NREP: variants seen among roughly 807,000 people sequenced by gnomAD.
The protein encoded by NREP is neuronal regeneration-related protein.
A neutral mutation model predicts 8.6 loss-of-function variants in NREP; 5 were observed. The observed-to-expected ratio is 0.58, with a 90% CI of 0.30 to 1.22. The LOEUF (loss-of-function observed/expected upper bound fraction) is 1.22. NREP is among the 50% of genes most tolerant of loss of function. NREP has a pLI of 0.07. For missense variants in NREP, 86 were observed against 82.5 expected (o/e 1.04, Z -0.17); for synonymous variants, 27 against 28.0 (o/e 0.96, Z 0.11).
At chr5:111,862,151 T>G (rs1753557175) in intron 2 of NREP, among the ~76,000 whole-genome samples, 1 of 152,214 alleles carries the variant, frequency 6.6e-6, no homozygotes, top group African/African-American at 2.4e-5. Flanking sequence ...CAATTATGTT[T>G]GGCAAGATGT....
chr5:111,820,032 C>T (rs1752480587), intron 2 of NREP, among the ~76,000 whole-genome samples: 1 of 152,102 alleles, frequency 6.6e-6, no homozygotes, highest in African/African-American at 2.4e-5. Flanking sequence ...GAGCTCTCCT[C>T]TCAACTAGAT....
chr5:111,844,261 A>C (rs956248772), intron 2 of NREP, among the ~76,000 whole-genome samples: 4 of 152,062 alleles, frequency 2.6e-5, no homozygotes, highest in Non-Finnish European at 2.9e-5. Context: ...ATTTGACATA[A>C]AATTCTATAT....
At chr5:111,770,259 T>C (rs920483185) in intron 2 of NREP, among the ~76,000 whole-genome samples, 1 of 152,186 alleles carries the variant, frequency 6.6e-6, no homozygotes, top group Non-Finnish European at 1.5e-5. Context: ...AGTGAGTTTA[T>C]AGTGGCCAGA....
In NREP at chr5:111,882,418, C is replaced by G. The variant is rs553947672; in HGVS notation, c.135+92856G>C. On this transcript the variant is annotated intron_variant, in intron 2 of 3. Transcript: ENST00000395634. ...TGGAAAACACTCTGCAGGATATTAT[C>G]CAGGAGAACTTCCCCAATCTAGCAA... Among the ~76,000 whole-genome samples, 369 of 152,304 alleles carry G rather than the reference C, an allele frequency of 2.4e-3. 3 individuals carry two copies. Among genetic ancestry groups the G allele is most frequent in the African/African-American group, 8.4e-3 (347 of 41,554 alleles).
intron 2 of NREP, among the ~76,000 whole-genome samples, chr5:111,887,991 T>C (rs1257258042): frequency 6.6e-6 from 1 of 152,210 alleles, no homozygotes; most frequent in Non-Finnish European, 1.5e-5. Context: ...AATGAATTAC[T>C]AAAATGATTG....
intron 2 of NREP, among the ~76,000 whole-genome samples, chr5:111,782,674 AC>A (rs1751520165): frequency 1.3e-5 from 2 of 152,282 alleles, no homozygotes; most frequent in South Asian, 4.1e-4. Context: ...CCCATAAAAT[AC>A]ACAATAAGTA....
chr5:111,919,984 CCA>C (rs1491015895), intron 2 of NREP, among the ~76,000 whole-genome samples: 34 of 127,462 alleles, frequency 2.7e-4, no homozygotes, highest in African/African-American at 5.2e-4. Context: ...CCCCCCCCCC[CCA>C]CACACACAAA....
upstream of NREP, among the ~76,000 whole-genome samples, chr5:111,761,240 T>A (rs1750953577): frequency 1.3e-5 from 2 of 152,230 alleles, no homozygotes; most frequent in Admixed American, 1.3e-4. Context: ...ACAAAACTTA[T>A]ATGATGTTTC....
intron 2 of NREP, among the ~76,000 whole-genome samples, chr5:111,919,968 A>T (rs1007127609): frequency 1.4e-5 from 1 of 71,964 alleles, no homozygotes; most frequent in African/African-American, 8.4e-5. Flanking sequence ...ATTAATAAAA[A>T]GAATACCCCC....
chr5:111,867,990 T>C (rs1434143225), intron 2 of NREP, among the ~76,000 whole-genome samples: 1 of 152,016 alleles, frequency 6.6e-6, no homozygotes, highest in Non-Finnish European at 1.5e-5. Context: ...CACTACCCAT[T>C]TCCCCTATCC....
chr5:111,934,825 G>T (rs1368332180), intron 2 of NREP, among the ~76,000 whole-genome samples: 1 of 152,072 alleles, frequency 6.6e-6, no homozygotes, highest in East Asian at 1.9e-4. Context: ...AACCTCCTGG[G>T]AGAAGAGGCA....
At chr5:111,902,876 T>A (rs1233928401) in intron 2 of NREP, among the ~76,000 whole-genome samples, 1 of 152,074 alleles carries the variant, frequency 6.6e-6, no homozygotes, top group East Asian at 1.9e-4. Context: ...AAAAAAAATC[T>A]GTAAAGGCAC....
At chr5:111,744,145 C>T (rs551528183) in intron 2 of NREP, among the ~76,000 whole-genome samples, 21 of 152,106 alleles carry the variant, frequency 1.4e-4, no homozygotes, top group Non-Finnish European at 2.4e-4. Context: ...CATTTTCCCC[C>T]GAAGTGCTCA....
At chr5:111,792,607 T>C (rs1190669666) in intron 2 of NREP, among the ~76,000 whole-genome samples, 1 of 152,220 alleles carries the variant, frequency 6.6e-6, no homozygotes, top group Non-Finnish European at 1.5e-5. Context: ...CAAGACGCTT[T>C]GCTTTTATAA....
chr5:111,840,339 G>A (rs73789544), intron 2 of NREP, among the ~76,000 whole-genome samples: 13,734 of 152,038 alleles, frequency 0.09, 1,292 homozygotes, highest in African/African-American at 0.24. Context: ...CAACACAGCT[G>A]TCTCTCTTCT....
intron 2 of NREP, among the ~76,000 whole-genome samples, chr5:111,919,365 A>G (rs1311996058): frequency 6.6e-6 from 1 of 152,154 alleles, no homozygotes. Context: ...CAGTAATCCT[A>G]TTACTGGGTA....
chr5:111,844,996 G>A (rs1753124355), intron 2 of NREP, among the ~76,000 whole-genome samples: 2 of 152,036 alleles, frequency 1.3e-5, no homozygotes, highest in Non-Finnish European at 2.9e-5. Flanking sequence ...TGCCACTGAT[G>A]CAGAACTGGT....
intron 2 of NREP, among the ~76,000 whole-genome samples, chr5:111,887,298 A>G (rs747094881): frequency 6.6e-6 from 1 of 152,190 alleles, no homozygotes; most frequent in Non-Finnish European, 1.5e-5. Context: ...TGGCAGGATG[A>G]CATGTATTAC....
intron 2 of NREP, among the ~76,000 whole-genome samples, chr5:111,937,179 T>G (rs61430978): frequency 0.017 from 2,625 of 152,194 alleles, 38 homozygotes; most frequent in African/African-American, 0.04. Flanking sequence ...TAAACTTCAG[T>G]ACATTCTGAG....
Sources: allele counts gnomAD v4.1 joint callset (sites outside exome capture counted in the v4.1 genomes callset), GRCh38; gene constraint gnomAD v4.1.1; transcripts MANE v1.5; gene names NCBI Gene and HGNC (gene_info 2026-07-23, HGNC 2026-07-21).